S100Z: variants seen among roughly 807,000 people sequenced by gnomAD.
S100Z encodes protein S100-Z.
Under a neutral mutation model 8.5 loss-of-function variants are expected in S100Z, and 11 were observed. That is an observed-to-expected ratio of 1.30 (90% CI 0.82 to 2.15). The LOEUF is 2.15. Ranked by LOEUF, S100Z falls within the 30% of genes most tolerant of loss-of-function variation. The probability of loss-of-function intolerance (pLI) is 0.00; values close to 1 mark genes in which losing one functional copy is unlikely to be tolerated. For synonymous variants in S100Z, 34 were observed against 43.8 expected (o/e 0.78, Z 0.89); for missense variants, 126 against 117.9 (o/e 1.07, Z -0.32).
chr5:76,940,859 C>T, the S100Z span, among the ~76,000 whole-genome samples: 3 of 152,132 alleles, frequency 2.0e-5, no homozygotes, highest in African/African-American at 7.2e-5. Flanking sequence ...CTTAGGTTCC[C>T]CTTGACTAGG....
At chr5:76,910,373 A>G (rs1432612636) in intron 4 of S100Z, among the ~76,000 whole-genome samples, 6 of 152,114 alleles carry the variant, frequency 3.9e-5, no homozygotes, top group Non-Finnish European at 8.8e-5. Flanking sequence ...GGTGTTCTAT[A>G]ATAGGGACCA....
At chr5:76,950,006 A>C in the S100Z span, among the ~76,000 whole-genome samples, 23 of 152,328 alleles carry the variant, frequency 1.5e-4, no homozygotes, top group East Asian at 4.2e-3. Flanking sequence ...ACATTCATTC[A>C]AACAAATCAT....
intron 4 of S100Z, among the ~76,000 whole-genome samples, 161 bp from the exon 5 acceptor site, chr5:76,920,556 C>T (rs886888792): frequency 2.0e-5 from 3 of 152,174 alleles, no homozygotes; most frequent in Admixed American, 1.3e-4. Flanking sequence ...TGTAATGGAG[C>T]GCTCCTCACT....
intron 4 of S100Z, among the ~76,000 whole-genome samples, chr5:76,886,679 CAA>C (rs1258916960): frequency 6.6e-6 from 1 of 152,008 alleles, no homozygotes; most frequent in African/African-American, 2.4e-5. Flanking sequence ...GGGCTGAGTC[CAA>C]AAAGAGAGTC....
At chr5:76,928,692 C>T in the S100Z span, among the ~76,000 whole-genome samples, 1 of 152,176 alleles carries the variant, frequency 6.6e-6, no homozygotes. Flanking sequence ...ATGAAAATTC[C>T]CAGTGTCACT....
Position 76,900,537 on chromosome 5 carries a change from T to G in S100Z, c.*3-20180T>G, listed in dbSNP as rs550791670. Among the ~76,000 whole-genome samples, 8 of 152,238 alleles carry G rather than the reference T, an allele frequency of 5.3e-5. No homozygotes were observed. The East Asian group carries it at 1.2e-3, about 22-fold the overall frequency. On this transcript the variant is annotated intron_variant, in intron 4 of 4. Transcript: ENST00000317593. Reference sequence around the variant, plus strand: ...AAGGACTCTGATATATTCTTTAGTATGCCAATTGCATTTTTTAGCTTCAGA... The same window carrying G: ...AAGGACTCTGATATATTCTTTAGTAGGCCAATTGCATTTTTTAGCTTCAGA...
At chr5:76,870,684 C>T (rs550969739) in intron 2 of S100Z, among the ~76,000 whole-genome samples, 1 of 152,070 alleles carries the variant, frequency 6.6e-6, no homozygotes, top group South Asian at 2.1e-4. Flanking sequence ...TGTGGTCCAG[C>T]AGGCTGTTGG....
intron 1 of S100Z, among the ~76,000 whole-genome samples, chr5:76,860,538 G>A (rs374940418): frequency 3.3e-5 from 5 of 152,154 alleles, no homozygotes; most frequent in South Asian, 2.1e-4. Context: ...CTCATGACAA[G>A]TAAGCCCTAA....
At chr5:76,916,406 A>G (rs553399312) in intron 4 of S100Z, among the ~76,000 whole-genome samples, 1 of 152,260 alleles carries the variant, frequency 6.6e-6, no homozygotes, top group East Asian at 1.9e-4. Context: ...CAGCAAGGAC[A>G]TAGAAGAAAT....
intron 4 of S100Z, among the ~76,000 whole-genome samples, chr5:76,907,369 T>A (rs1407527103): frequency 1.3e-5 from 2 of 152,062 alleles, no homozygotes; most frequent in Non-Finnish European, 2.9e-5. Flanking sequence ...AGTGGCATGA[T>A]CTTGGCTCAC....
chr5:76,901,783 T>C (rs953175300), intron 4 of S100Z, among the ~76,000 whole-genome samples: 1 of 152,142 alleles, frequency 6.6e-6, no homozygotes, highest in African/African-American at 2.4e-5. Flanking sequence ...GAAGGAACGT[T>C]GCTCCATAGC....
At chr5:76,869,526 A>G (rs189992806) in intron 1 of S100Z, among the ~76,000 whole-genome samples, 1 of 152,310 alleles carries the variant, frequency 6.6e-6, no homozygotes, top group East Asian at 1.9e-4. Context: ...GGCAGGGCCA[A>G]CCCTTTGAAT....
intron 4 of S100Z, among the ~76,000 whole-genome samples, chr5:76,904,095 A>G (rs1039451992): frequency 6.6e-6 from 1 of 152,102 alleles, no homozygotes; most frequent in African/African-American, 2.4e-5. Context: ...TTTTTTAAAA[A>G]TTGGGTTATG....
downstream of S100Z, among the ~76,000 whole-genome samples, chr5:76,922,349 ACTTTT>A (rs910275345): frequency 2.3e-4 from 35 of 152,322 alleles, no homozygotes; most frequent in African/African-American, 7.7e-4. Flanking sequence ...GCCCAGACAG[ACTTTT>A]CTTCTATTCT....
chr5:76,893,941 T>A (rs376207261), intron 4 of S100Z, among the ~76,000 whole-genome samples: 101 of 152,260 alleles, frequency 6.6e-4, no homozygotes, highest in African/African-American at 2.4e-3. Flanking sequence ...AAACAAAAAA[T>A]AAAGTTCTAA....
At chr5:76,886,975 G>T (rs537543571) in intron 4 of S100Z, among the ~76,000 whole-genome samples, 1 of 152,146 alleles carries the variant, frequency 6.6e-6, no homozygotes, top group Non-Finnish European at 1.5e-5. Context: ...ATACGTGCAG[G>T]TCACAGGGGA....
At chr5:76,894,489 CA>C (rs1216399476) in intron 4 of S100Z, among the ~76,000 whole-genome samples, 3 of 152,080 alleles carry the variant, frequency 2.0e-5, no homozygotes, top group Admixed American at 6.5e-5. Context: ...TGACAGACAT[CA>C]GCCAAAATTT....
At chr5:76,952,780 T>C in the S100Z span, 3 of 250,010 alleles carry the variant, frequency 1.2e-5, no homozygotes, top group African/African-American at 6.5e-5. Flanking sequence ...ATTTAGCAGG[T>C]CAACAAAATG....
chr5:76,878,395 A>G (rs1040875950), intron 4 of S100Z, among the ~76,000 whole-genome samples: 3 of 152,228 alleles, frequency 2.0e-5, no homozygotes, highest in Admixed American at 6.5e-5. Flanking sequence ...GAGCTGGCAT[A>G]TAAATACCCT....
Sources: gnomAD v4.1 joint callset for allele counts (sites outside exome capture counted in the v4.1 genomes callset) on GRCh38, gnomAD v4.1.1 for gene constraint, MANE v1.5 for transcripts, NCBI Gene and HGNC (gene_info 2026-07-23, HGNC 2026-07-21) for gene names.